The following CEMIP2 variants were observed in gnomAD, a reference collection of about 807,000 sequenced individuals.
CEMIP2 encodes cell migration inducing hyaluronidase 2.
In CEMIP2, 79 loss-of-function variants were observed where a neutral mutation model predicts 146.9. That is an observed-to-expected ratio of 0.54 (90% CI 0.45 to 0.65). The LOEUF (loss-of-function observed/expected upper bound fraction) is 0.65, where lower values mean the gene tolerates loss of function less well. Among genes scored for constraint, CEMIP2 ranks in the 30% least tolerant of loss-of-function variants. The probability of loss-of-function intolerance (pLI) is 0.00; values close to 1 mark genes in which losing one functional copy is unlikely to be tolerated. For missense variants in CEMIP2, 1,596 were observed against 1,696.2 expected, an observed-to-expected ratio of 0.94 and a Z score of 1.04; for synonymous variants, 601 against 606.3, an observed-to-expected ratio of 0.99 and a Z score of 0.13.
intron 12 of CEMIP2, among the ~76,000 whole-genome samples, chr9:71,718,638 G>A (rs934814489): frequency 9.9e-5 from 15 of 152,016 alleles, no homozygotes; most frequent in Admixed American, 2.6e-4. Flanking sequence ...GTGCAGTGGC[G>A]CAATCTTGGC....
intron 10 of CEMIP2, among the ~76,000 whole-genome samples, chr9:71,727,016 T>C (rs1038394322): frequency 1.2e-4 from 19 of 152,036 alleles, no homozygotes; most frequent in African/African-American, 3.9e-4. Flanking sequence ...AGTGGAAAGG[T>C]ACAATGAAAA....
intron 1 of CEMIP2, among the ~76,000 whole-genome samples, chr9:71,758,012 G>T (rs1287183529): frequency 6.6e-6 from 1 of 152,094 alleles, no homozygotes; most frequent in East Asian, 1.9e-4. Context: ...AAGAGTTTGG[G>T]TAGGGAGGAA....
At chr9:71,738,527 A>C (rs1823825055) in intron 5 of CEMIP2, among the ~76,000 whole-genome samples, 1 of 150,818 alleles carries the variant, frequency 6.6e-6, no homozygotes, top group Non-Finnish European at 1.5e-5. Flanking sequence ...AAAAAAACAA[A>C]AATTCAGTAA....
intron 21 of CEMIP2, 98 bp downstream of exon 21, chr9:71,694,411 C>A (rs1822330954): frequency 1.1e-6 from 1 of 943,084 alleles, no homozygotes; most frequent in Non-Finnish European, 1.7e-6. Flanking sequence ...GTGTGAGCCA[C>A]CGCACCCAGC....
At chr9:71,685,509 ACT>A (rs1281321473) in intron 23 of CEMIP2, 116 bp from the exon 24 acceptor site, 5 of 1,228,800 alleles carry the variant, frequency 4.1e-6, no homozygotes, top group Non-Finnish European at 5.4e-6. Context: ...CTATTAAAAA[ACT>A]CTGCACTTCC....
At chr9:71,690,350 CA>C in intron 21 of CEMIP2, 104 bp from the exon 22 acceptor site, 1 of 1,345,166 alleles carries the variant, frequency 7.4e-7, no homozygotes, top group Non-Finnish European at 1.0e-6. Flanking sequence ...ACCCATGATT[CA>C]AAGTATATTT....
intron 14 of CEMIP2, 130 bp downstream of exon 14, chr9:71,716,386 AT>A: frequency 1.4e-6 from 1 of 699,886 alleles, no homozygotes; most frequent in Non-Finnish European, 2.4e-6. Flanking sequence ...CTCTAGTGGC[AT>A]CAGGAAGAGG....
chr9:71,741,441 C>T (rs1295698146), intron 4 of CEMIP2, among the ~76,000 whole-genome samples: 1 of 151,648 alleles, frequency 6.6e-6, no homozygotes. Flanking sequence ...AGGTGATCAG[C>T]CTGCCTCGGC....
At chr9:71,727,646 T>C (rs1277415149) in intron 10 of CEMIP2, among the ~76,000 whole-genome samples, 1 of 152,224 alleles carries the variant, frequency 6.6e-6, no homozygotes, top group Non-Finnish European at 1.5e-5. Context: ...ATTTATTTCC[T>C]TTTAAAAACT....
At chr9:71,710,379 A>G (rs1822871779) in intron 16 of CEMIP2, among the ~76,000 whole-genome samples, 1 of 152,186 alleles carries the variant, frequency 6.6e-6, no homozygotes, top group African/African-American at 2.4e-5. Context: ...ATGATAAGCA[A>G]CTCAATGGAA....
rs1248128628 is a variant in CEMIP2, at chr9:71,757,763, T to C, written c.-12-7378A>G. Among the ~76,000 whole-genome samples, 3 of 152,214 alleles carry C rather than the reference T, an allele frequency of 2.0e-5. No individual in the cohort carries two copies. In the East Asian group the frequency reaches 5.8e-4, roughly 29 times the overall value. On this transcript the variant is annotated intron_variant, in intron 1 of 23. Coordinates refer to ENST00000377044, the MANE Select transcript of CEMIP2 (RefSeq NM_013390.3). ...CTGGTTTGGTTTGGTTTGGTTTGGT[T>C]TGAGGGGAAGCAGGGTTAGGGCGTT...
At chr9:71,689,997 A>G in intron 22 of CEMIP2, 95 bp downstream of exon 22, 1 of 1,469,256 alleles carries the variant, frequency 6.8e-7, no homozygotes, top group Non-Finnish European at 9.3e-7. Context: ...GAATGTCCAG[A>G]GAGTAAAAAA....
intron 5 of CEMIP2, among the ~76,000 whole-genome samples, chr9:71,736,276 T>C (rs1365199993): frequency 6.6e-6 from 1 of 152,154 alleles, no homozygotes; most frequent in East Asian, 1.9e-4. Context: ...AACCTCTCTC[T>C]CTCCGGTATT....
chr9:71,749,974 T>C, intron 2 of CEMIP2, 69 bp downstream of exon 2: 1 of 1,410,630 alleles, frequency 7.1e-7, no homozygotes, highest in Non-Finnish European at 9.4e-7. Context: ...AATTTTTTTT[T>C]AAGTATTCTA....
At chr9:71,690,009 C>T (rs765140175) in intron 22 of CEMIP2, 83 bp downstream of exon 22, 120 of 1,519,984 alleles carry the variant, frequency 7.9e-5, no homozygotes, top group African/African-American at 9.7e-5. Flanking sequence ...AGTAAAAAAT[C>T]GGACTTGACC....
chr9:71,706,843 T>A (rs1589135293), intron 17 of CEMIP2, among the ~76,000 whole-genome samples: 2 of 144,968 alleles, frequency 1.4e-5, no homozygotes, highest in Admixed American at 6.9e-5. Flanking sequence ...TATTATTATT[T>A]TTGAGACAGA....
intron 1 of CEMIP2, among the ~76,000 whole-genome samples, chr9:71,753,357 A>G (rs1360243648): frequency 2.0e-5 from 3 of 152,186 alleles, no homozygotes; most frequent in African/African-American, 7.2e-5. Flanking sequence ...AGGCTAAATG[A>G]AGTCACCAGC....
chr9:71,715,140 G>T, intron 14 of CEMIP2, 51 bp from the exon 15 acceptor site: 1 of 1,559,448 alleles, frequency 6.4e-7, no homozygotes, highest in Non-Finnish European at 8.7e-7. Flanking sequence ...AAATTTAAAT[G>T]TATTCCCAAA....
intron 15 of CEMIP2, 51 bp downstream of exon 15, chr9:71,714,883 G>GTT: frequency 6.3e-7 from 1 of 1,581,222 alleles, no homozygotes; most frequent in East Asian, 2.3e-5. Flanking sequence ...TGAGGGTTAG[G>GTT]TTTTCCTTTA....
Sources: allele counts gnomAD v4.1 joint callset (sites outside exome capture counted in the v4.1 genomes callset), GRCh38; gene constraint gnomAD v4.1.1; transcripts MANE v1.5; gene names NCBI Gene and HGNC (gene_info 2026-07-23, HGNC 2026-07-21).